Variants in PDE11A observed in about 807,000 individuals in gnomAD.
PDE11A encodes phosphodiesterase 11A, also known as dual 3',5'-cyclic-AMP and -GMP phosphodiesterase 11A.
PDE11A carries 100 observed loss-of-function variants against 100.5 expected under a neutral mutation model. The observed-to-expected ratio is 1.00, with a 90% CI of 0.85 to 1.18. The LOEUF (loss-of-function observed/expected upper bound fraction) is 1.18. PDE11A is among the 50% of genes most tolerant of loss of function. The pLI is 0.00. For missense variants in PDE11A, 1,141 were observed against 1,152.6 expected, an observed-to-expected ratio of 0.99 and a Z score of 0.15; for synonymous variants, 381 against 420.8, an observed-to-expected ratio of 0.91 and a Z score of 1.16.
At chr2:177,962,554 G>A (rs2085647899) in intron 2 of PDE11A, among the ~76,000 whole-genome samples, 1 of 152,116 alleles carries the variant, frequency 6.6e-6, no homozygotes, top group African/African-American at 2.4e-5. Flanking sequence ...GATAGCTCTA[G>A]ATTTTATGAA....
At position 177,861,554 on chromosome 2, in the gene PDE11A, G is replaced by C. The variant is rs74267464; in HGVS notation, c.1367+14305C>G. Among the ~76,000 whole-genome samples, 3 of 151,800 alleles carry C rather than the reference G, an allele frequency of 2.0e-5. No individual in the cohort carries two copies. The South Asian group carries it at 6.2e-4, about 31-fold the overall frequency. ...AAAATAAACTCAGCTACTAATTTTGGAGAGATTGACAAGTTGATTCTAAAA... is the reference window on the plus strand; with the variant it reads ...AAAATAAACTCAGCTACTAATTTTGCAGAGATTGACAAGTTGATTCTAAAA... On this transcript the variant is annotated intron_variant, in intron 5 of 19. Coordinates refer to ENST00000286063, the MANE Select transcript of PDE11A (RefSeq NM_016953.4).
rs2079822105 is a variant in PDE11A, at chr2:177,625,703, A to C, written c.*3704T>G. ...CTCCAATAGGAAATAAACATTAATAATAAGGACTGGGAAACTTCCTTTCTC... is the reference window on the plus strand; with the variant it reads ...CTCCAATAGGAAATAAACATTAATACTAAGGACTGGGAAACTTCCTTTCTC... On this transcript the variant is annotated 3_prime_UTR_variant, in exon 20 of 20. Transcript: ENST00000286063. The C allele has an allele frequency of 6.6e-6, 1 of 152,284 alleles. No homozygotes were observed. The highest frequency in any genetic ancestry group is 2.4e-5 in the African/African-American group (1 of 41,466). 9.4% of individuals were successfully genotyped at this position (152,284 alleles called of 1,614,324 possible). A position where few individuals can be genotyped will look rare whatever the true frequency, so the allele number is the denominator to read the frequency against.
At chr2:177,777,306 A>AG (rs1446530716) in intron 9 of PDE11A, among the ~76,000 whole-genome samples, 1 of 152,186 alleles carries the variant, frequency 6.6e-6, no homozygotes. Flanking sequence ...ACATAACCTC[A>AG]TTAACCTAAG....
chr2:177,850,636 T>C lies in PDE11A; in HGVS notation c.1368-10253A>G, dbSNP rs1489595205. ...GGAGAAAATTTTTACAATCTACTCA[T>C]CTGACAAAGGGCTAATATCCAGAAT... On this transcript the variant is annotated intron_variant, in intron 5 of 19. Coordinates refer to ENST00000286063, the MANE Select transcript of PDE11A (RefSeq NM_016953.4). 2.6e-5 allele frequency among the ~76,000 whole-genome samples: 4 copies of C among 152,158 alleles called. No homozygotes were observed. In the East Asian group the frequency reaches 7.7e-4, roughly 29 times the overall value.
At chr2:177,903,497 G>A (rs981747730) in intron 3 of PDE11A, among the ~76,000 whole-genome samples, 4 of 152,128 alleles carry the variant, frequency 2.6e-5, no homozygotes, top group African/African-American at 9.7e-5. Context: ...GCATGTGAAG[G>A]GAACTACATA....
At chr2:177,890,815 A>T (rs2084518089) in intron 4 of PDE11A, among the ~76,000 whole-genome samples, 1 of 152,178 alleles carries the variant, frequency 6.6e-6, no homozygotes, top group Non-Finnish European at 1.5e-5. Context: ...GAAAATTCAA[A>T]GCTCTGTCAA....
intron 5 of PDE11A, among the ~76,000 whole-genome samples, chr2:177,853,948 C>CTA (rs998526305): frequency 7.0e-6 from 1 of 143,850 alleles, no homozygotes; most frequent in Non-Finnish European, 1.5e-5. Flanking sequence ...GTATATATAT[C>CTA]TATATATATG....
chr2:177,896,299 C>T (rs2084611192), intron 4 of PDE11A, among the ~76,000 whole-genome samples: 1 of 152,238 alleles, frequency 6.6e-6, no homozygotes, highest in African/African-American at 2.4e-5. Context: ...CTTCCATCAT[C>T]TATATTTTTT....
chr2:177,825,390 G>A (rs2083212285), intron 6 of PDE11A, among the ~76,000 whole-genome samples: 1 of 152,172 alleles, frequency 6.6e-6, no homozygotes, highest in Non-Finnish European at 1.5e-5. Flanking sequence ...AGCCCAATCA[G>A]GTGGGAGAGG....
intron 13 of PDE11A, among the ~76,000 whole-genome samples, chr2:177,711,134 T>C (rs576230457): frequency 1.6e-4 from 25 of 152,334 alleles, no homozygotes; most frequent in Non-Finnish European, 2.5e-4. Context: ...GCAACAGCTA[T>C]CTTGACCAGG....
chr2:177,740,787 C>T (rs186005099), intron 10 of PDE11A, among the ~76,000 whole-genome samples: 228 of 152,316 alleles, frequency 1.5e-3, no homozygotes, highest in African/African-American at 4.9e-3. Flanking sequence ...GAATCTGTCT[C>T]TCATCATTCA....
intron 2 of PDE11A, among the ~76,000 whole-genome samples, chr2:177,965,191 C>A (rs2085683376): frequency 6.6e-6 from 1 of 152,122 alleles, no homozygotes; most frequent in Non-Finnish European, 1.5e-5. Flanking sequence ...CTGTTCATCT[C>A]CTCTGCTCAT....
intron 2 of PDE11A, among the ~76,000 whole-genome samples, chr2:177,929,862 G>C (rs1411296954): frequency 1.3e-5 from 2 of 152,128 alleles, no homozygotes; most frequent in South Asian, 2.1e-4. Context: ...CTGTAAATAG[G>C]TAACTGCTGT....
chr2:177,834,890 C>A (rs1486664299), intron 6 of PDE11A, among the ~76,000 whole-genome samples: 1 of 152,038 alleles, frequency 6.6e-6, no homozygotes, highest in Non-Finnish European at 1.5e-5. Context: ...GGCCAGGACC[C>A]AAATTCACAA....
intron 1 of PDE11A, among the ~76,000 whole-genome samples, chr2:178,070,985 C>G (rs2087119120): frequency 6.6e-6 from 1 of 152,270 alleles, no homozygotes; most frequent in South Asian, 2.1e-4. Flanking sequence ...TCTTCTTTTC[C>G]TCTTTTCCCT....
chr2:178,030,178 G>A (rs1477096946), intron 1 of PDE11A, among the ~76,000 whole-genome samples: 1 of 152,062 alleles, frequency 6.6e-6, no homozygotes, highest in South Asian at 2.1e-4. Flanking sequence ...AAAGAGAGAG[G>A]CCTTATATTT....
intron 2 of PDE11A, among the ~76,000 whole-genome samples, chr2:177,929,082 GA>G (rs2085171147): frequency 6.6e-6 from 1 of 152,106 alleles, no homozygotes; most frequent in Non-Finnish European, 1.5e-5. Flanking sequence ...TTGCACAGGC[GA>G]AAAATCCAGA....
At chr2:177,664,849 A>T (rs1371323264) in intron 18 of PDE11A, among the ~76,000 whole-genome samples, 1 of 152,152 alleles carries the variant, frequency 6.6e-6, no homozygotes, top group Non-Finnish European at 1.5e-5. Context: ...TTTACATAAA[A>T]TGTGGCATTC....
chr2:177,836,758 T>G (rs2083407156), intron 6 of PDE11A, among the ~76,000 whole-genome samples: 1 of 151,988 alleles, frequency 6.6e-6, no homozygotes, highest in Non-Finnish European at 1.5e-5. Context: ...CCTGGAGGAA[T>G]GAACAACTCC....
Sources: allele counts gnomAD v4.1 joint callset (sites outside exome capture counted in the v4.1 genomes callset), GRCh38; gene constraint gnomAD v4.1.1; transcripts MANE v1.5; gene names NCBI Gene and HGNC (gene_info 2026-07-23, HGNC 2026-07-21).